The following REPS2 variants were observed in gnomAD, a reference collection of about 807,000 sequenced individuals.
The protein encoded by REPS2 is ralBP1-associated Eps domain-containing protein 2.
In REPS2, 23 loss-of-function variants were observed where a neutral mutation model predicts 53.6. That is an observed-to-expected ratio of 0.43 (90% CI 0.31 to 0.61). The LOEUF is 0.61. Ranked by LOEUF, REPS2 falls within the 20% of genes least tolerant of loss-of-function variation. REPS2 has a pLI of 0.11. For missense variants in REPS2, 446 were observed against 534.9 expected (o/e 0.83, Z 1.64); for synonymous variants, 238 against 218.6 (o/e 1.09, Z -0.78).
chrX:17,184,404 A>G, the REPS2 span, among the ~76,000 whole-genome samples: 1 of 105,168 alleles, frequency 9.5e-6, no homozygotes, highest in African/African-American at 3.5e-5. Context: ...TATATGTGCC[A>G]CATTTTCTTA....
chrX:17,129,898 G>T (rs1186070263), intron 14 of REPS2, among the ~76,000 whole-genome samples: 1 of 111,766 alleles, frequency 8.9e-6, no homozygotes, highest in Non-Finnish European at 1.9e-5. Context: ...TAACTGAAAG[G>T]CAGAGAGCCT....
the REPS2 span, among the ~76,000 whole-genome samples, chrX:17,193,240 T>TA: frequency 8.9e-6 from 1 of 112,689 alleles, no homozygotes; most frequent in Non-Finnish European, 1.9e-5. Flanking sequence ...CTTGTTGCTT[T>TA]ACACCTTGTC....
intron 4 of REPS2, 31 bp downstream of exon 4, chrX:17,025,216 A>C (rs1489639166): frequency 8.4e-7 from 1 of 1,194,259 alleles, no homozygotes. Context: ...CAGCTGTCCC[A>C]GGCAGTGTCT....
intron 1 of REPS2, among the ~76,000 whole-genome samples, chrX:16,987,398 G>A (rs1041537841): frequency 9.0e-6 from 1 of 111,689 alleles, no homozygotes; most frequent in South Asian, 3.7e-4. Flanking sequence ...ATGTGTTTAG[G>A]GGATGTGTTG....
chrX:17,058,062 A>T lies in REPS2; in HGVS notation c.1114+3112A>T, dbSNP rs140934230. Among the ~76,000 whole-genome samples, 815 of 112,083 alleles carry T rather than the reference A, an allele frequency of 7.3e-3. 22 individuals are homozygous for T. The highest frequency in any genetic ancestry group is 0.068 in the Admixed American group (713 of 10,551). ...TGACTAGTACTGTTTTATTGTTTTG[A>T]TGCCATATGGCCATGGAACCTGTGG... On this transcript the variant is annotated intron_variant, in intron 8 of 17. Coordinates refer to ENST00000357277, the MANE Select transcript of REPS2 (RefSeq NM_004726.3).
chrX:17,052,718 C>A (rs2062019915), intron 7 of REPS2, among the ~76,000 whole-genome samples: 1 of 112,354 alleles, frequency 8.9e-6, no homozygotes, highest in Admixed American at 9.5e-5. Flanking sequence ...CCTTTTCAGT[C>A]TAGGCAGTTG....
chrX:17,031,005 G>C lies in REPS2; in HGVS notation c.771+1382G>C. On this transcript the variant is annotated intron_variant, in intron 5 of 17. Coordinates refer to ENST00000357277, the MANE Select transcript of REPS2 (RefSeq NM_004726.3). ...AATATGCCATTTGCTCCCAGGGCCA[G>C]TACAGCTCAGTTTTATCCCCAAGTT... 1.8e-5 allele frequency among the ~76,000 whole-genome samples: 2 copies of C among 112,435 alleles called. 1 individual carries two copies. Among genetic ancestry groups the C allele is most frequent in the East Asian group, 5.5e-4 (2 of 3,604 alleles).
intron 14 of REPS2, among the ~76,000 whole-genome samples, chrX:17,124,627 C>T (rs2063183131): frequency 9.0e-6 from 1 of 110,728 alleles, no homozygotes; most frequent in Admixed American, 9.7e-5. Flanking sequence ...CACCAAATGA[C>T]ATTTAGAATA....
chrX:16,992,438 G>T (rs1303716440), intron 1 of REPS2, among the ~76,000 whole-genome samples: 1 of 112,054 alleles, frequency 8.9e-6, no homozygotes, highest in East Asian at 2.8e-4. Flanking sequence ...TTTAAAAAAT[G>T]GGTTGAACAT....
At chrX:17,055,530 A>G (rs1887652266) in intron 8 of REPS2, among the ~76,000 whole-genome samples, 1 of 76,226 alleles carries the variant, frequency 1.3e-5, no homozygotes, top group African/African-American at 4.9e-5. Context: ...ATTTTTGTAT[A>G]AGGTGTAAGG....
At chrX:17,088,685 G>A (rs1356809493) in intron 13 of REPS2, among the ~76,000 whole-genome samples, 5 of 106,147 alleles carry the variant, frequency 4.7e-5, no homozygotes, top group South Asian at 4.3e-4. Context: ...GCAGGTTCAC[G>A]CTGTTCTCCT....
chrX:16,956,260 G>T (rs2060592243), intron 1 of REPS2, among the ~76,000 whole-genome samples: 1 of 79,043 alleles, frequency 1.3e-5, no homozygotes, highest in African/African-American at 4.9e-5. Flanking sequence ...CTTCTATTAT[G>T]CATGTAAGCA....
intron 17 of REPS2, among the ~76,000 whole-genome samples, chrX:17,141,522 T>C (rs1287372530): frequency 8.9e-6 from 1 of 112,073 alleles, no homozygotes; most frequent in Non-Finnish European, 1.9e-5. Context: ...GGAAATATGT[T>C]CTCATTTCTC....
At position 17,074,137 on chromosome X, in the gene REPS2, C is replaced by G. The variant is rs1763783824; in HGVS notation, c.1357C>G (p.Leu453Val). The G allele has an allele frequency of 2.5e-6, 3 of 1,210,413 alleles. No individual in the cohort carries two copies. The highest frequency in any genetic ancestry group is 3.4e-6 in the Non-Finnish European group (3 of 894,588). The change falls in exon 12 of 18, where the codon CTC (leucine) becomes GTC (valine). Residue 453 changes from leucine to valine, a missense_variant. Leu to Val is a conservative substitution (Grantham distance 32). Transcript: ENST00000357277. ...AGCAACTCCCAAGGATTCCAACAGT[C>G]TCAAAGCAAGACCAAGATCCAGGTA... The part of the protein sequence containing the change: ...DPATPKDSNS[L>V]KARPRSRSYS...
At chrX:17,077,142 T>C in intron 12 of REPS2, 129 bp from the exon 13 acceptor site, 1 of 684,876 alleles carries the variant, frequency 1.5e-6, no homozygotes, top group South Asian at 3.6e-5. Flanking sequence ...TAATAGAATT[T>C]ATGGCTGCTT....
Position 17,124,854 on chromosome X carries a change from T to C in REPS2, c.1579-8970T>C, listed in dbSNP as rs970318083. 8.4e-5 allele frequency among the ~76,000 whole-genome samples: 9 copies of C among 106,632 alleles called. No homozygotes were observed. In the Admixed American group the frequency reaches 9.0e-4, roughly 11 times the overall value. The allele number at this position is 106,632 out of a possible 115,157, so 92.6% of individuals were successfully genotyped here. A position where few individuals can be genotyped will look rare whatever the true frequency, so the allele number is the denominator to read the frequency against. On this transcript the variant is annotated intron_variant, in intron 14 of 17. Coordinates refer to ENST00000357277, the MANE Select transcript of REPS2 (RefSeq NM_004726.3). ...CCTTGGCAAAGTTCTACAGATGGAC[T>C]TCTTTTTTTTTTTTTTTTTTGAGAC...
chrX:16,977,016 A>T (rs1016403064), intron 1 of REPS2, among the ~76,000 whole-genome samples: 1 of 111,453 alleles, frequency 9.0e-6, no homozygotes, highest in African/African-American at 3.3e-5. Context: ...TAGCATATTG[A>T]TAGATTGCGT....
intron 4 of REPS2, among the ~76,000 whole-genome samples, chrX:17,026,462 T>G (rs938879031): frequency 2.7e-5 from 3 of 109,832 alleles, no homozygotes; most frequent in African/African-American, 9.9e-5. Context: ...GGGTTTTTTT[T>G]TTTTTTTTCC....
At chrX:17,108,794 G>A (rs2062916325) in intron 14 of REPS2, among the ~76,000 whole-genome samples, 1 of 111,108 alleles carries the variant, frequency 9.0e-6, no homozygotes, top group African/African-American at 3.3e-5. Context: ...ACTAAAAATA[G>A]CACTGGAAGG....
Sources: allele counts gnomAD v4.1 joint callset (sites outside exome capture counted in the v4.1 genomes callset), GRCh38; gene constraint gnomAD v4.1.1; transcripts MANE v1.5; gene names NCBI Gene and HGNC (gene_info 2026-07-23, HGNC 2026-07-21).